Variants in PRKCE observed in about 807,000 individuals in gnomAD.
The protein encoded by PRKCE is protein kinase C epsilon type.
A neutral mutation model predicts 85.4 loss-of-function variants in PRKCE; 16 were observed. The observed-to-expected ratio is 0.19, with a 90% CI of 0.13 to 0.28. The LOEUF is 0.28. PRKCE is among the 10% of genes least tolerant of loss of function. PRKCE has a pLI of 1.00. For synonymous variants in PRKCE, 388 were observed against 371.5 expected, an observed-to-expected ratio of 1.04 and a Z score of -0.51; for missense variants, 573 against 975.2, an observed-to-expected ratio of 0.59 and a Z score of 5.49.
At chr2:46,000,579 C>T (rs1704595497) in intron 6 of PRKCE, among the ~76,000 whole-genome samples, 1 of 152,106 alleles carries the variant, frequency 6.6e-6, no homozygotes, top group Admixed American at 6.6e-5. Flanking sequence ...GTTCCCCACC[C>T]CCAACCCCCA....
intron 11 of PRKCE, among the ~76,000 whole-genome samples, chr2:46,110,341 G>C (rs572054180): frequency 1.5e-4 from 23 of 152,094 alleles, no homozygotes; most frequent in African/African-American, 5.5e-4. Context: ...TTTTGGGGGA[G>C]ATTATTAATT....
At chr2:45,691,628 A>G (rs1677732838) in intron 1 of PRKCE, among the ~76,000 whole-genome samples, 2 of 152,208 alleles carry the variant, frequency 1.3e-5, no homozygotes, top group Non-Finnish European at 2.9e-5. Context: ...TCTTATCATT[A>G]TACTCCACTT....
chr2:45,924,718 A>C (rs1055568573), intron 2 of PRKCE, among the ~76,000 whole-genome samples: 44 of 152,262 alleles, frequency 2.9e-4, no homozygotes, highest in Non-Finnish European at 2.9e-5. Flanking sequence ...CTGTTACATT[A>C]CTGGCCTACA....
At chr2:46,175,366 A>T (rs1265890693) in intron 14 of PRKCE, among the ~76,000 whole-genome samples, 1 of 152,342 alleles carries the variant, frequency 6.6e-6, no homozygotes, top group East Asian at 1.9e-4. Flanking sequence ...CTCCTGGATC[A>T]TCCCAAAGAC....
intron 1 of PRKCE, among the ~76,000 whole-genome samples, chr2:45,733,519 G>A (rs942885240): frequency 6.6e-6 from 1 of 152,168 alleles, no homozygotes; most frequent in Non-Finnish European, 1.5e-5. Context: ...TACTAAGCAA[G>A]GTAAGGGGCA....
rs1181148520 is a variant in PRKCE, at chr2:45,786,919, C to G, written c.349-56081C>G. On this transcript the variant is annotated intron_variant, in intron 1 of 14. Coordinates refer to ENST00000306156, the MANE Select transcript of PRKCE (RefSeq NM_005400.3). This position sits in a 1 kb window ranked among gnomAD's most constrained non-coding sequence, Gnocchi z 5.3. ...TAGGGAATACGATTCCAGAACCTCA[C>G]TGTTAACCAGGAAGCTGGTGTTTCT... is the stretch of plus-strand genomic sequence containing the variant. Among the ~76,000 whole-genome samples the G allele has an allele frequency of 6.6e-6, 1 of 152,222 alleles. No homozygotes were observed. The highest frequency in any genetic ancestry group is 1.5e-5 in the Non-Finnish European group (1 of 68,038).
intron 2 of PRKCE, among the ~76,000 whole-genome samples, chr2:45,938,044 G>A (rs1404364338): frequency 1.3e-5 from 2 of 152,174 alleles, no homozygotes; most frequent in African/African-American, 4.8e-5. Context: ...AGAGGGTCCC[G>A]ACCCTTCCCC....
intron 2 of PRKCE, among the ~76,000 whole-genome samples, chr2:45,945,028 C>A (rs960052021): frequency 5.9e-5 from 9 of 152,082 alleles, no homozygotes; most frequent in Non-Finnish European, 8.8e-5. Context: ...CAACTTCCCC[C>A]CTTCCTGAGC....
At chr2:45,746,165 A>G (rs1683122964) in intron 1 of PRKCE, among the ~76,000 whole-genome samples, 1 of 151,732 alleles carries the variant, frequency 6.6e-6, no homozygotes, top group South Asian at 2.1e-4. Context: ...TTTCATTTGT[A>G]TTTGTAGGGA....
rs915880009 is a variant in PRKCE, at chr2:46,185,635, T to A, written c.*754T>A. On this transcript the variant is annotated 3_prime_UTR_variant, in exon 15 of 15. Transcript: ENST00000306156. This position sits in a 1 kb window ranked among gnomAD's most constrained non-coding sequence, Gnocchi z 4.7. ...TGGCCAAAAGAGATGAGTTCCAGTC[T>A]GAATACAGGTAGATATTAAAGGGCT... 2.0e-5 allele frequency: 3 copies of A among 152,688 alleles called. No homozygotes were observed. The highest frequency in any genetic ancestry group is 4.4e-5 in the Non-Finnish European group (3 of 68,046). 9.5% of individuals were successfully genotyped at this position (152,688 alleles called of 1,614,324 possible).
intron 10 of PRKCE, among the ~76,000 whole-genome samples, chr2:46,040,343 C>A (rs1006664266): frequency 3.9e-5 from 6 of 152,248 alleles, no homozygotes; most frequent in South Asian, 2.1e-4. Context: ...GCAATTAGAC[C>A]GTAATCTGGT....
rs1171702078 is a variant in PRKCE at position 45,744,441 on chromosome 2, C to A, written c.348+91993C>A. ...TCTTTCTTTCTTTCTTTCTTTCTTT[C>A]TTTCTTTCTTTCTTTCTTTCTTTCT... On this transcript the variant is annotated intron_variant, in intron 1 of 14. Coordinates refer to ENST00000306156, the MANE Select transcript of PRKCE (RefSeq NM_005400.3). 2.2e-4 allele frequency among the ~76,000 whole-genome samples: 11 copies of A among 50,612 alleles called. 1 individual carries two copies. Among genetic ancestry groups the A allele is most frequent in the African/African-American group, 1.1e-3 (11 of 10,170 alleles). 33.2% of individuals were successfully genotyped at this position (50,612 alleles called of 152,430 possible). A position where few individuals can be genotyped will look rare whatever the true frequency, so the allele number is the denominator to read the frequency against.
chr2:46,149,025 C>G (rs894977642), intron 12 of PRKCE, among the ~76,000 whole-genome samples: 1 of 152,328 alleles, frequency 6.6e-6, no homozygotes, highest in East Asian at 1.9e-4. Flanking sequence ...TGCATTTTCT[C>G]AAATTCCTTT....
chr2:45,965,378 C>T (rs763230892), intron 2 of PRKCE, among the ~76,000 whole-genome samples: 1 of 152,164 alleles, frequency 6.6e-6, no homozygotes, highest in Non-Finnish European at 1.5e-5. Flanking sequence ...TTTTTAGTAC[C>T]TGGTTTTGTT....
chr2:46,027,558 A>G (rs140564913), intron 10 of PRKCE, among the ~76,000 whole-genome samples: 28 of 152,100 alleles, frequency 1.8e-4, no homozygotes, highest in African/African-American at 3.4e-4. Flanking sequence ...ATTCGTAGGT[A>G]TATTTTACAA....
chr2:45,999,563 GGTTT>G lies in PRKCE; in HGVS notation c.824-1828_824-1825del, dbSNP rs1389611832. Among the ~76,000 whole-genome samples the G allele has an allele frequency of 1.9e-3, 295 of 151,596 alleles. 1 individual carries two copies. The highest frequency in any genetic ancestry group is 6.6e-3 in the African/African-American group (275 of 41,380). ...ATATGCCTTGGTATAGTTTTTTGTT[GGTTT>G]GTTTGTTTGTTTCTTTTTGGCATTT... On this transcript the variant is annotated intron_variant, in intron 6 of 14. Transcript: ENST00000306156.
At chr2:45,887,181 A>G (rs1280296452) in intron 2 of PRKCE, among the ~76,000 whole-genome samples, 1 of 152,184 alleles carries the variant, frequency 6.6e-6, no homozygotes, top group African/African-American at 2.4e-5. Context: ...GGCCTGACCC[A>G]GGATACATGC....
rs74868708 is a variant in PRKCE at position 46,075,798 on chromosome 2, G to A, written c.1438-10410G>A. ...AGAATCAAAAAGGGATTTGACTAAG[G>A]CATCCTCTTGGCCAGAATGGGCAGA... On this transcript the variant is annotated intron_variant, in intron 10 of 14. Transcript: ENST00000306156. 5.0e-3 allele frequency among the ~76,000 whole-genome samples: 765 copies of A among 152,286 alleles called. 5 individuals are homozygous for A. Among genetic ancestry groups the A allele is most frequent in the African/African-American group, 0.018 (737 of 41,554 alleles).
intron 10 of PRKCE, among the ~76,000 whole-genome samples, chr2:46,039,745 T>C (rs1352994489): frequency 6.6e-6 from 1 of 152,184 alleles, no homozygotes; most frequent in Non-Finnish European, 1.5e-5. Flanking sequence ...ATGACGATAT[T>C]GACATTTGGG....
Sources: gnomAD v4.1 joint callset for allele counts (sites outside exome capture counted in the v4.1 genomes callset) on GRCh38, gnomAD v4.1.1 for gene constraint, Gnocchi (gnomAD v3.1) non-coding constraint, MANE v1.5 for transcripts, NCBI Gene and HGNC (gene_info 2026-07-23, HGNC 2026-07-21) for gene names.